APC: variants seen among roughly 807,000 people sequenced by gnomAD.
APC encodes adenomatous polyposis coli protein.
In APC, 72 loss-of-function variants were observed where a neutral mutation model predicts 247.0. The observed-to-expected ratio is 0.29, with a 90% CI of 0.24 to 0.35. The LOEUF (loss-of-function observed/expected upper bound fraction) is 0.35, where lower values mean the gene tolerates loss of function less well. Among genes scored for constraint, APC ranks in the 10% least tolerant of loss-of-function variants. The pLI is 1.00. For synonymous variants in APC, 1,254 were observed against 1,162.5 expected (o/e 1.08, Z -1.60); for missense variants, 3,400 against 3,360.7 (o/e 1.01, Z -0.29).
intron 6 of APC, among the ~76,000 whole-genome samples, chr5:112,783,170 T>C (rs962122035): frequency 1.3e-5 from 2 of 152,174 alleles, no homozygotes; most frequent in Non-Finnish European, 2.9e-5. Flanking sequence ...TATATAAATA[T>C]AAGTAGGTGT....
At chr5:112,736,408 G>GA (rs952308093), upstream of APC, among the ~76,000 whole-genome samples, 7 of 151,666 alleles carry the variant, frequency 4.6e-5, no homozygotes, top group Non-Finnish European at 8.8e-5. Flanking sequence ...TAATGAAAGA[G>GA]AAAAAAAACA....
Position 112,841,124 on chromosome 5 carries a change from C to T in APC, c.5530C>T (p.His1844Tyr), listed in dbSNP as rs1765973350. The change falls in exon 16 of 16, where the codon CAT becomes TAT. Residue 1844 changes from histidine to tyrosine, a missense_variant. Transcript: ENST00000257430. This position sits in a 1 kb window ranked among gnomAD's most constrained non-coding sequence, Gnocchi z 4.6. ...AGGAAGTTTTGCTTTTGATTCACCT[C>T]ATCATTACACGCCTATTGAAGGAAC... ...VRGSFAFDSP[H>Y]HYTPIEGTPY... 1 of 1,612,690 alleles carries T rather than the reference C, an allele frequency of 6.2e-7. No homozygotes were observed. Among genetic ancestry groups the T allele is most frequent in the Non-Finnish European group, 8.5e-7 (1 of 1,178,758 alleles).
intron 4 of APC, among the ~76,000 whole-genome samples, chr5:112,773,033 G>T (rs1184674396): frequency 6.6e-6 from 1 of 152,134 alleles, no homozygotes; most frequent in Non-Finnish European, 1.5e-5. Flanking sequence ...TCCTGTTCCT[G>T]TTGTCAGAAA....
Position 112,840,927 on chromosome 5 carries a change from C to T in APC, c.5333C>T (p.Pro1778Leu), listed in dbSNP as rs952662066. 1 of 1,613,788 alleles carries T rather than the reference C, an allele frequency of 6.2e-7. No individual in the cohort carries two copies. Among genetic ancestry groups the T allele is most frequent in the Non-Finnish European group, 8.5e-7 (1 of 1,179,794 alleles). The change falls in exon 16 of 16, where the codon CCT (proline) becomes CTT (leucine). Residue 1778 changes from proline (P) to leucine (L), a missense_variant. By Grantham distance (98) the Pro-to-Leu change is moderately conservative. Coordinates refer to ENST00000257430, the MANE Select transcript of APC (RefSeq NM_000038.6). The surrounding 1 kb of genome is among the most constrained non-coding windows in gnomAD (Gnocchi z 4.1). ...KKKKPTSPVK[P>L]IPQNTEYRTR... ...AAGAAACCAACTTCACCAGTAAAAC[C>T]TATACCACAAAATACTGAATATAGG...
chr5:112,710,313 AACTT>A (rs1288911300), intron 1 of APC, among the ~76,000 whole-genome samples: 2 of 152,160 alleles, frequency 1.3e-5, no homozygotes, highest in African/African-American at 2.4e-5. Context: ...TATAGCAAAT[AACTT>A]AATCTCTTCC....
chr5:112,763,231 C>G (rs1755863816), intron 2 of APC, among the ~76,000 whole-genome samples: 1 of 151,806 alleles, frequency 6.6e-6, no homozygotes. Flanking sequence ...CAAAAAAAAT[C>G]AAAATCAACT....
intron 1 of APC, among the ~76,000 whole-genome samples, chr5:112,751,390 T>C (rs1447551063): frequency 6.6e-6 from 1 of 152,088 alleles, no homozygotes; most frequent in Non-Finnish European, 1.5e-5. Flanking sequence ...CTTTATATAG[T>C]ATTTTTACTG....
At chr5:112,719,576 G>A (rs2149653941) in intron 1 of APC, among the ~76,000 whole-genome samples, 1 of 141,746 alleles carries the variant, frequency 7.1e-6, no homozygotes, top group African/African-American at 2.6e-5. Context: ...GTCTTACTGT[G>A]TCGCCCAGGC....
intron 2 of APC, among the ~76,000 whole-genome samples, chr5:112,757,897 A>G (rs1755173002): frequency 2.6e-5 from 4 of 152,158 alleles, no homozygotes; most frequent in Admixed American, 2.6e-4. Context: ...GGAAATATTT[A>G]TTTTTAAGTA....
intron 6 of APC, among the ~76,000 whole-genome samples, chr5:112,790,807 A>G (rs181123208): frequency 3.2e-4 from 49 of 152,300 alleles, no homozygotes; most frequent in Middle Eastern, 3.4e-3. Context: ...TAGTACTTTT[A>G]TTATTTATCT....
At position 112,842,683 on chromosome 5, in the gene APC, A is replaced by G. The variant is rs864622761; in HGVS notation, c.7089A>G (p.Lys2363=). 1.9e-6 allele frequency: 3 copies of G among 1,613,470 alleles called. No individual in the cohort carries two copies. In the Admixed American group the frequency reaches 5.0e-5, roughly 27 times the overall value. The change falls in exon 16 of 16, where the codon AAA becomes AAG. Residue 2363 remains lysine (K), a synonymous_variant. Coordinates refer to ENST00000257430, the MANE Select transcript of APC (RefSeq NM_000038.6). ...TASTKSSGSG[K]MSYTSPGRQM... ...CAACTAAGTCCTCAGGTTCTGGAAA[A>G]ATGTCATATACATCTCCAGGTAGAC...
intron 7 of APC, among the ~76,000 whole-genome samples, chr5:112,795,141 C>G (rs919108299): frequency 2.6e-5 from 4 of 152,172 alleles, no homozygotes; most frequent in African/African-American, 9.7e-5. Flanking sequence ...ATTCTCCTGC[C>G]TCAGCCTCCC....
At chr5:112,800,874 A>G (rs1296255208) in intron 7 of APC, among the ~76,000 whole-genome samples, 1 of 152,130 alleles carries the variant, frequency 6.6e-6, no homozygotes, top group East Asian at 1.9e-4. Context: ...ACCTAAGTAG[A>G]AGATATTTGT....
At position 112,712,952 on chromosome 5, in the gene APC, C is replaced by G. The variant is rs549694849; in HGVS notation, c.165+5070C>G. Among the ~76,000 whole-genome samples the G allele has an allele frequency of 1.6e-3, 251 of 152,218 alleles. 4 individuals carry two copies. Among genetic ancestry groups the G allele is most frequent in the African/African-American group, 5.9e-3 (246 of 41,522 alleles). Reference sequence around the variant, plus strand: ...TGGGGAGGCTGAGGCGGGCGGATCACTTGAGGTTAGGAGTTTGAGACCAGC... The same window carrying G: ...TGGGGAGGCTGAGGCGGGCGGATCAGTTGAGGTTAGGAGTTTGAGACCAGC... On this transcript the variant is annotated intron_variant, in intron 1 of 13. Coordinates refer to the APC transcript ENST00000507379.
rs1268298845 is a variant in APC at position 112,780,878 on chromosome 5, G to A, written c.620G>A (p.Cys207Tyr). ...GCGATGGAAGAACAACTAGGTACCT[G>A]CCAGGATATGGAAAAACGAGCACAG... ...RVAMEEQLGT[C>Y]QDMEKRAQRR... Residue 207 changes from cysteine to tyrosine, a missense_variant, in exon 6 of 16, where the codon TGC becomes TAC. Cys to Tyr is a radical substitution (Grantham distance 194). Around this residue, in one of 9 missense-constraint regions of APC, gnomAD observed 372 missense variants for 367.6 expected, o/e 1.01. Transcript: ENST00000257430. 1 of 1,611,940 alleles carries A rather than the reference G, an allele frequency of 6.2e-7. No individual in the cohort carries two copies. The highest frequency in any genetic ancestry group is 1.1e-5 in the South Asian group (1 of 90,880).
chr5:112,755,729 T>TA (rs1240658957), intron 2 of APC, among the ~76,000 whole-genome samples: 2 of 152,222 alleles, frequency 1.3e-5, no homozygotes, highest in Non-Finnish European at 2.9e-5. Context: ...TAATTGAGGT[T>TA]AAAACTTTAG....
intron 1 of APC, among the ~76,000 whole-genome samples, chr5:112,719,284 C>T (rs1273763345): frequency 6.6e-6 from 1 of 152,172 alleles, no homozygotes; most frequent in Non-Finnish European, 1.5e-5. Context: ...GTGGCACAAT[C>T]TTGGCTCACT....
chr5:112,792,579 C>A (rs2149685205), intron 7 of APC, 50 bp downstream of exon 7: 1 of 1,333,064 alleles, frequency 7.5e-7, no homozygotes, highest in Non-Finnish European at 1.1e-6. Context: ...GGTAGTTATT[C>A]TGAGAAAAGA....
At chr5:112,734,589 C>T (rs568167979), upstream of APC, among the ~76,000 whole-genome samples, 13 of 152,122 alleles carry the variant, frequency 8.5e-5, no homozygotes, top group South Asian at 2.1e-4. Context: ...CTAAGGTCTT[C>T]GGTAAAGAGA....
Sources: gnomAD v4.1 joint callset for allele counts (sites outside exome capture counted in the v4.1 genomes callset) on GRCh38, gnomAD v4.1.1 for gene constraint, gnomAD v4.1.1 regional missense constraint, Gnocchi (gnomAD v3.1) non-coding constraint, MANE v1.5 for transcripts, NCBI Gene and HGNC (gene_info 2026-07-23, HGNC 2026-07-21) for gene names.